The following KCNB2 variants were observed in gnomAD, a reference collection of about 807,000 sequenced individuals.
The protein encoded by KCNB2 is delayed rectifier potassium channel protein.
A neutral mutation model predicts 61.5 loss-of-function variants in KCNB2; 15 were observed. The observed-to-expected ratio is 0.24, with a 90% CI of 0.16 to 0.38. The LOEUF (loss-of-function observed/expected upper bound fraction) is 0.38. Among genes scored for constraint, KCNB2 ranks in the 10% least tolerant of loss-of-function variants. The pLI is 1.00. For missense variants in KCNB2, 828 were observed against 1,125.2 expected, an observed-to-expected ratio of 0.74 and a Z score of 3.78; for synonymous variants, 457 against 446.0, an observed-to-expected ratio of 1.02 and a Z score of -0.31.
intron 2 of KCNB2, among the ~76,000 whole-genome samples, chr8:72,840,551 A>G (rs1450491751): frequency 1.3e-5 from 2 of 152,132 alleles, no homozygotes; most frequent in African/African-American, 4.8e-5. Flanking sequence ...CTATTTCTCC[A>G]CGTCCTCTCC....
chr8:72,590,239 G>T (rs370572715), intron 2 of KCNB2, among the ~76,000 whole-genome samples: 4 of 152,138 alleles, frequency 2.6e-5, no homozygotes, highest in South Asian at 2.1e-4. Context: ...GTACAGCAAG[G>T]ATATATATGT....
At chr8:72,557,784 G>GT (rs964449515) in intron 1 of KCNB2, among the ~76,000 whole-genome samples, 4 of 152,164 alleles carry the variant, frequency 2.6e-5, no homozygotes, top group African/African-American at 9.7e-5. Context: ...GGGCCTGGTA[G>GT]TTTTTTGAGG....
At chr8:72,711,222 A>G (rs558456994) in intron 2 of KCNB2, among the ~76,000 whole-genome samples, 1 of 152,322 alleles carries the variant, frequency 6.6e-6, no homozygotes, top group Admixed American at 6.5e-5. Flanking sequence ...TCCACACAAA[A>G]CTACTTGGCC....
chr8:72,732,001 T>C (rs1368200032), intron 2 of KCNB2: 2 of 152,162 alleles, frequency 1.3e-5, no homozygotes, highest in Admixed American at 1.3e-4. Flanking sequence ...ATAGAAAAGG[T>C]TTCTACACAG....
chr8:72,923,650 A>G (rs57112081), intron 2 of KCNB2, among the ~76,000 whole-genome samples: 1 of 152,150 alleles, frequency 6.6e-6, no homozygotes, highest in African/African-American at 2.4e-5. Context: ...TGGGGGGCTT[A>G]GAATTTTATT....
intron 2 of KCNB2, among the ~76,000 whole-genome samples, chr8:72,600,041 C>T (rs1332288243): frequency 6.6e-6 from 1 of 152,178 alleles, no homozygotes; most frequent in East Asian, 1.9e-4. Flanking sequence ...GTGGTGATTC[C>T]TCAAGGATCT....
At chr8:72,934,296 C>A (rs1194622918) in intron 2 of KCNB2, among the ~76,000 whole-genome samples, 1 of 150,862 alleles carries the variant, frequency 6.6e-6, no homozygotes, top group Non-Finnish European at 1.5e-5. Flanking sequence ...ATCACTTGAG[C>A]CTGGGAGGCA....
intron 2 of KCNB2, among the ~76,000 whole-genome samples, chr8:72,745,393 C>T (rs748581139): frequency 5.9e-5 from 9 of 152,244 alleles, no homozygotes; most frequent in East Asian, 3.9e-4. Flanking sequence ...CCCAGAGCCA[C>T]GCTCACTCAT....
chr8:72,803,158 A>T (rs1396722281), intron 2 of KCNB2, among the ~76,000 whole-genome samples: 1 of 152,166 alleles, frequency 6.6e-6, no homozygotes, highest in Non-Finnish European at 1.5e-5. Flanking sequence ...TATAAGGAGC[A>T]AGGGCAGCAC....
At chr8:72,915,353 GACTGGAGGC>G (rs1262349071) in intron 2 of KCNB2, among the ~76,000 whole-genome samples, 7 of 152,144 alleles carry the variant, frequency 4.6e-5, no homozygotes, top group Non-Finnish European at 7.3e-5. Context: ...AAACAAGCAA[GACTGGAGGC>G]ACTTGAACCA....
intron 2 of KCNB2, among the ~76,000 whole-genome samples, chr8:72,594,229 T>C (rs943042233): frequency 6.6e-6 from 1 of 152,164 alleles, no homozygotes; most frequent in Non-Finnish European, 1.5e-5. Context: ...TATTAAGAAG[T>C]TGTTTTCAAT....
At chr8:72,655,801 G>A (rs931353720) in intron 2 of KCNB2, among the ~76,000 whole-genome samples, 1 of 152,056 alleles carries the variant, frequency 6.6e-6, no homozygotes, top group Non-Finnish European at 1.5e-5. Context: ...AAGATGGCAT[G>A]GATACATCTA....
chr8:72,853,321 T>C (rs947179609), intron 2 of KCNB2, among the ~76,000 whole-genome samples: 9 of 152,204 alleles, frequency 5.9e-5, no homozygotes, highest in African/African-American at 2.2e-4. Flanking sequence ...GCTAGTTCCC[T>C]TGCCTCCAGG....
chr8:72,694,277 G>T (rs1447058474), intron 2 of KCNB2, among the ~76,000 whole-genome samples: 1 of 152,176 alleles, frequency 6.6e-6, no homozygotes, highest in Non-Finnish European at 1.5e-5. Flanking sequence ...AAATCAGTGA[G>T]TTTGCATGTG....
intron 2 of KCNB2, among the ~76,000 whole-genome samples, chr8:72,742,222 T>C (rs1244626372): frequency 6.6e-6 from 1 of 152,224 alleles, no homozygotes; most frequent in African/African-American, 2.4e-5. Context: ...CTGTATTTGT[T>C]CACCATTGAT....
At chr8:72,897,049 T>C (rs1265381622) in intron 2 of KCNB2, among the ~76,000 whole-genome samples, 1 of 152,148 alleles carries the variant, frequency 6.6e-6, no homozygotes, top group Non-Finnish European at 1.5e-5. Context: ...ATGCATTTTC[T>C]AGATTCTAGA....
chr8:72,840,308 CATT>C (rs1203597210), intron 2 of KCNB2, among the ~76,000 whole-genome samples: 2 of 152,184 alleles, frequency 1.3e-5, no homozygotes, highest in Admixed American at 1.3e-4. Flanking sequence ...TCCAGTCTAT[CATT>C]GATAGGTATT....
chr8:72,823,335 T>C (rs1458564273), intron 2 of KCNB2, among the ~76,000 whole-genome samples: 1 of 152,124 alleles, frequency 6.6e-6, no homozygotes, highest in African/African-American at 2.4e-5. Context: ...AGTGCTTCCC[T>C]GTTGCCATGG....
intron 2 of KCNB2, among the ~76,000 whole-genome samples, chr8:72,670,439 A>G (rs545081958): frequency 7.9e-5 from 12 of 152,280 alleles, no homozygotes; most frequent in African/African-American, 2.6e-4. Context: ...CTGGCTTCCT[A>G]TCAACAAGAT....
Sources: allele counts gnomAD v4.1 joint callset (sites outside exome capture counted in the v4.1 genomes callset), GRCh38; gene constraint gnomAD v4.1.1; transcripts MANE v1.5; gene names NCBI Gene and HGNC (gene_info 2026-07-23, HGNC 2026-07-21).